The following SGCZ variants were observed in gnomAD, a reference collection of about 807,000 sequenced individuals.
SGCZ encodes the protein sarcoglycan zeta.
SGCZ carries 40 observed loss-of-function variants against 41.3 expected under a neutral mutation model. The observed-to-expected ratio is 0.97, with a 90% CI of 0.75 to 1.26. The LOEUF (loss-of-function observed/expected upper bound fraction) is 1.26, where lower values mean the gene tolerates loss of function less well. Ranked by LOEUF, SGCZ falls within the 50% of genes most tolerant of loss-of-function variation. The pLI, the probability that SGCZ is intolerant of heterozygous loss-of-function variation, is 0.00. For missense variants in SGCZ, 552 were observed against 369.8 expected (o/e 1.49, Z -4.04); for synonymous variants, 206 against 137.5 (o/e 1.50, Z -3.49).
intron 2 of SGCZ, among the ~76,000 whole-genome samples, chr8:14,469,605 C>T (rs1186386444): frequency 3.3e-5 from 5 of 151,628 alleles, no homozygotes; most frequent in Admixed American, 6.6e-5. Context: ...GAATGATGGC[C>T]AGTATCCCTT....
At chr8:14,345,694 A>C (rs1176754973) in intron 2 of SGCZ, among the ~76,000 whole-genome samples, 2 of 152,092 alleles carry the variant, frequency 1.3e-5, no homozygotes, top group East Asian at 3.9e-4. Context: ...GTTTAAAAAG[A>C]GAAAAAGGTT....
At chr8:14,307,471 C>T (rs1458051458) in intron 3 of SGCZ, among the ~76,000 whole-genome samples, 2 of 152,088 alleles carry the variant, frequency 1.3e-5, no homozygotes, top group Non-Finnish European at 2.9e-5. Context: ...TCCAGTTTTT[C>T]TCTCCCTCTC....
intron 1 of SGCZ, among the ~76,000 whole-genome samples, chr8:15,121,479 A>G (rs770325174): frequency 9.8e-5 from 15 of 152,288 alleles, no homozygotes; most frequent in Non-Finnish European, 1.5e-4. Flanking sequence ...TCCACTGAAC[A>G]CACATGAGGC....
chr8:14,609,589 GCT>G (rs1805862091), intron 1 of SGCZ, among the ~76,000 whole-genome samples: 1 of 152,076 alleles, frequency 6.6e-6, no homozygotes, highest in African/African-American at 2.4e-5. Context: ...TGATAAAAAT[GCT>G]GTCATGATAT....
chr8:14,825,543 T>C (rs1020730686), intron 1 of SGCZ, among the ~76,000 whole-genome samples: 3 of 152,238 alleles, frequency 2.0e-5, no homozygotes, highest in Non-Finnish European at 4.4e-5. Flanking sequence ...AAATATTGTA[T>C]GTACTTGAAC....
intron 4 of SGCZ, among the ~76,000 whole-genome samples, chr8:14,218,080 C>G (rs1299933992): frequency 3.3e-5 from 5 of 152,112 alleles, no homozygotes; most frequent in African/African-American, 1.2e-4. Flanking sequence ...GAAAGGATAT[C>G]TACTTGACCA....
chr8:14,904,562 A>C (rs1219927737), intron 1 of SGCZ, among the ~76,000 whole-genome samples: 3 of 152,044 alleles, frequency 2.0e-5, no homozygotes, highest in Non-Finnish European at 4.4e-5. Context: ...AAATTTTAAA[A>C]TCTCTCTGTA....
At chr8:14,986,222 A>T (rs1801821080) in intron 1 of SGCZ, among the ~76,000 whole-genome samples, 1 of 152,172 alleles carries the variant, frequency 6.6e-6, no homozygotes, top group Non-Finnish European at 1.5e-5. Context: ...ATATATGAAC[A>T]ATATATACAT....
intron 1 of SGCZ, among the ~76,000 whole-genome samples, chr8:15,111,668 G>A (rs1011904893): frequency 6.6e-6 from 1 of 152,138 alleles, no homozygotes; most frequent in Non-Finnish European, 1.5e-5. Flanking sequence ...TTGGGAGGCC[G>A]AGGTGGGCGG....
At chr8:14,329,368 AT>A (rs1399910836) in intron 2 of SGCZ, among the ~76,000 whole-genome samples, 1 of 152,164 alleles carries the variant, frequency 6.6e-6, no homozygotes, top group East Asian at 1.9e-4. Context: ...GACCTGGTAT[AT>A]TTTTAATAGT....
At chr8:14,239,645 G>C (rs770400941) in intron 3 of SGCZ, among the ~76,000 whole-genome samples, 29 of 151,746 alleles carry the variant, frequency 1.9e-4, no homozygotes, top group Non-Finnish European at 3.2e-4. Flanking sequence ...TTTCACGCCT[G>C]TAATTCCAGC....
chr8:14,237,707 T>C (rs1806819238), intron 3 of SGCZ, 28 bp from the exon 4 acceptor site: 25 of 1,575,260 alleles, frequency 1.6e-5, no homozygotes, highest in Non-Finnish European at 1.9e-5. Context: ...AATAAATAAA[T>C]AGAAAATAGA....
At chr8:14,815,352 C>A (rs1585285366) in intron 1 of SGCZ, among the ~76,000 whole-genome samples, 1 of 148,574 alleles carries the variant, frequency 6.7e-6, no homozygotes, top group Admixed American at 6.7e-5. Flanking sequence ...TTAATTATTA[C>A]ATTTGCCAGT....
At chr8:14,538,219 A>G (rs958507905) in intron 2 of SGCZ, among the ~76,000 whole-genome samples, 22 of 151,918 alleles carry the variant, frequency 1.4e-4, no homozygotes, top group African/African-American at 5.1e-4. Context: ...ACTTATTTTT[A>G]TCATGTCTCT....
chr8:14,883,294 T>C (rs1206604249), intron 1 of SGCZ, among the ~76,000 whole-genome samples: 1 of 151,502 alleles, frequency 6.6e-6, no homozygotes, highest in African/African-American at 2.4e-5. Flanking sequence ...TTCTCCTGTA[T>C]TTTTCAGTTT....
At chr8:14,602,873 CAG>C (rs1322649992) in intron 1 of SGCZ, among the ~76,000 whole-genome samples, 28 of 152,242 alleles carry the variant, frequency 1.8e-4, no homozygotes, top group African/African-American at 6.5e-4. Context: ...CTTAGGGAAT[CAG>C]AGTGTAAAGG....
At chr8:15,011,092 T>C (rs1478431576) in intron 1 of SGCZ, among the ~76,000 whole-genome samples, 1 of 152,216 alleles carries the variant, frequency 6.6e-6, no homozygotes, top group Non-Finnish European at 1.5e-5. Context: ...AATCTTATCT[T>C]CTTGTTTGCT....
intron 1 of SGCZ, among the ~76,000 whole-genome samples, chr8:14,629,132 C>G (rs944392123): frequency 6.6e-6 from 1 of 151,998 alleles, no homozygotes; most frequent in Non-Finnish European, 1.5e-5. Flanking sequence ...AATTGAAGCC[C>G]CTATATCCAG....
intron 1 of SGCZ, among the ~76,000 whole-genome samples, chr8:15,056,424 G>A (rs559652366): frequency 9.2e-5 from 14 of 151,922 alleles, no homozygotes; most frequent in African/African-American, 2.9e-4. Context: ...CTCTTACTCC[G>A]GGATTCAAAC....
Sources: gnomAD v4.1 joint callset for allele counts (sites outside exome capture counted in the v4.1 genomes callset) on GRCh38, gnomAD v4.1.1 for gene constraint, MANE v1.5 for transcripts, NCBI Gene and HGNC (gene_info 2026-07-23, HGNC 2026-07-21) for gene names.